The following MTUS2 variants were observed in gnomAD, a reference collection of about 807,000 sequenced individuals.
MTUS2 encodes the protein microtubule-associated tumor suppressor candidate 2.
In MTUS2, 40 loss-of-function variants were observed where a neutral mutation model predicts 114.1. That is an observed-to-expected ratio of 0.35 (90% CI 0.27 to 0.46). MTUS2 has a LOEUF of 0.46. Among genes scored for constraint, MTUS2 ranks in the 20% least tolerant of loss-of-function variants. MTUS2 has a pLI of 1.00. For synonymous variants in MTUS2, 688 were observed against 672.0 expected (o/e 1.02, Z -0.37); for missense variants, 1,679 against 1,705.4 (o/e 0.98, Z 0.27).
intron 7 of MTUS2, 136 bp from the exon 8 acceptor site, chr13:29,359,126 A>AGG: frequency 1.2e-6 from 1 of 846,990 alleles, no homozygotes; most frequent in African/African-American, 1.7e-5. Context: ...TTTTCTTTTC[A>AGG]ATCCTTAAAA....
chr13:29,005,491 C>T (rs1161952992), intron 2 of MTUS2, among the ~76,000 whole-genome samples: 1 of 152,128 alleles, frequency 6.6e-6, no homozygotes, highest in Non-Finnish European at 1.5e-5. Flanking sequence ...AAGGACCCTG[C>T]CCTCTAGAGA....
At chr13:29,138,184 G>A (rs988432416) in intron 5 of MTUS2, among the ~76,000 whole-genome samples, 2 of 152,064 alleles carry the variant, frequency 1.3e-5, no homozygotes, top group Admixed American at 6.6e-5. Context: ...TGGGGACTGG[G>A]GGATGGGTAG....
intron 1 of MTUS2, among the ~76,000 whole-genome samples, chr13:28,822,118 A>G (rs1264427833): frequency 6.6e-6 from 1 of 152,222 alleles, no homozygotes; most frequent in Non-Finnish European, 1.5e-5. Context: ...CTAGTAAATT[A>G]AGTGCAAAAA....
chr13:29,284,515 A>G (rs1257305603), intron 6 of MTUS2, among the ~76,000 whole-genome samples: 1 of 152,216 alleles, frequency 6.6e-6, no homozygotes, highest in Admixed American at 6.5e-5. Flanking sequence ...GTAAAATTAC[A>G]TAGACATTTT....
intron 6 of MTUS2, among the ~76,000 whole-genome samples, chr13:29,288,046 CA>C: frequency 6.6e-6 from 1 of 152,264 alleles, no homozygotes; most frequent in East Asian, 1.9e-4. Flanking sequence ...AGACTGAAGG[CA>C]AAAGGAGGAC....
intron 4 of MTUS2, among the ~76,000 whole-genome samples, chr13:29,048,223 C>G (rs1227186890): frequency 1.3e-5 from 2 of 152,084 alleles, no homozygotes; most frequent in Admixed American, 6.5e-5. Flanking sequence ...TTATTTAGGT[C>G]CTTTTTATGT....
intron 2 of MTUS2, among the ~76,000 whole-genome samples, chr13:28,875,417 T>A (rs1877872686): frequency 6.6e-6 from 1 of 152,260 alleles, no homozygotes; most frequent in South Asian, 2.1e-4. Flanking sequence ...CAAACTTAGA[T>A]AAAGTGGATT....
intron 2 of MTUS2, among the ~76,000 whole-genome samples, chr13:28,992,347 T>C (rs1021988974): frequency 7.9e-5 from 12 of 152,136 alleles, no homozygotes; most frequent in African/African-American, 2.4e-4. Context: ...TTGATATTAG[T>C]GTTTGGTTTC....
chr13:29,090,422 G>C (rs945551713), intron 4 of MTUS2, among the ~76,000 whole-genome samples: 2 of 152,152 alleles, frequency 1.3e-5, no homozygotes, highest in African/African-American at 4.8e-5. Flanking sequence ...GGGGTCGTGG[G>C]GGCTGCAGGA....
chr13:29,071,486 G>A (rs9506088), intron 4 of MTUS2, among the ~76,000 whole-genome samples: 25,021 of 122,370 alleles, frequency 0.2, 2,733 homozygotes, highest in Middle Eastern at 0.28. Flanking sequence ...AGTAAAATTG[G>A]CATGATCTGG....
intron 5 of MTUS2, among the ~76,000 whole-genome samples, chr13:29,191,037 C>G (rs960023927): frequency 6.6e-6 from 1 of 152,102 alleles, no homozygotes; most frequent in Admixed American, 6.5e-5. Context: ...TTACAGCTGC[C>G]ACACAGCTGT....
chr13:29,450,119 G>A (rs534955956), intron 9 of MTUS2, among the ~76,000 whole-genome samples: 1 of 152,306 alleles, frequency 6.6e-6, no homozygotes, highest in South Asian at 2.1e-4. Flanking sequence ...AATGAACAAA[G>A]AAGCAGAGAA....
In MTUS2 at chr13:29,276,083, G is replaced by T. The variant is rs547097009; in HGVS notation, c.2645-5621G>T. ...TAATTTAAAACAAATTATGGTGTGA[G>T]GTAGGAGTTCAACTACATGAGATTT... On this transcript the variant is annotated intron_variant, in intron 5 of 15. Transcript: ENST00000612955. Among the ~76,000 whole-genome samples, 105 of 149,746 alleles carry T rather than the reference G, an allele frequency of 7.0e-4. 1 individual carries two copies. Among genetic ancestry groups the T allele is most frequent in the Admixed American group, 1.9e-3 (28 of 15,084 alleles).
At chr13:29,319,837 T>A (rs1365529037) in intron 6 of MTUS2, among the ~76,000 whole-genome samples, 2 of 144,254 alleles carry the variant, frequency 1.4e-5, no homozygotes, top group Non-Finnish European at 3.0e-5. Context: ...AAGGAAATAC[T>A]GCTATTCAAG....
chr13:29,219,668 G>T (rs1411578241), intron 5 of MTUS2, among the ~76,000 whole-genome samples: 1 of 152,202 alleles, frequency 6.6e-6, no homozygotes, highest in Non-Finnish European at 1.5e-5. Context: ...TTTAAAATCT[G>T]TTGTTTAGTG....
rs550245098 is a variant in MTUS2 at position 29,439,172 on chromosome 13, T to C, written c.3118-811T>C. ...GGCCTGTAGTTTTGGTATCTCAAAC[T>C]TGAAGAGAATTTATATAGCACATCT... is the stretch of plus-strand genomic sequence containing the variant. On this transcript the variant is annotated intron_variant, in intron 8 of 15. Coordinates refer to ENST00000612955, the MANE Select transcript of MTUS2 (RefSeq NM_001033602.4). Among the ~76,000 whole-genome samples the C allele has an allele frequency of 9.8e-5, 15 of 152,344 alleles. No homozygotes were observed. The South Asian group carries it at 3.1e-3, about 32-fold the overall frequency.
At chr13:28,995,152 T>C (rs1462188046) in intron 2 of MTUS2, among the ~76,000 whole-genome samples, 6 of 152,250 alleles carry the variant, frequency 3.9e-5, no homozygotes, top group Non-Finnish European at 8.8e-5. Context: ...ATTTATTAAA[T>C]AGGGAATCAT....
intron 5 of MTUS2, among the ~76,000 whole-genome samples, chr13:29,133,243 C>A (rs766533092): frequency 1.3e-5 from 2 of 152,036 alleles, no homozygotes; most frequent in African/African-American, 2.4e-5. Context: ...CAGGAGTTTT[C>A]TGTGTATTCT....
chr13:29,257,920 G>A (rs1416408976), intron 5 of MTUS2, among the ~76,000 whole-genome samples: 42 of 152,170 alleles, frequency 2.8e-4, no homozygotes, highest in Admixed American at 2.6e-3. Flanking sequence ...TGAGCCACTG[G>A]GCACTGCAGG....
Sources: allele counts gnomAD v4.1 joint callset (sites outside exome capture counted in the v4.1 genomes callset), GRCh38; gene constraint gnomAD v4.1.1; transcripts MANE v1.5; gene names NCBI Gene and HGNC (gene_info 2026-07-23, HGNC 2026-07-21).